XYLT1: variants seen among roughly 807,000 people sequenced by gnomAD.
The protein encoded by XYLT1 is beta-D-xylosyltransferase 1.
In XYLT1, 36 loss-of-function variants were observed where a neutral mutation model predicts 91.3. The ratio of observed to expected loss-of-function variants is 0.39; its 90% CI spans 0.30 to 0.52. The LOEUF (loss-of-function observed/expected upper bound fraction) is 0.52. Among genes scored for constraint, XYLT1 ranks in the 20% least tolerant of loss-of-function variants. The probability of loss-of-function intolerance (pLI) is 0.68; values close to 1 mark genes in which losing one functional copy is unlikely to be tolerated. For synonymous variants in XYLT1, 588 were observed against 532.0 expected, an observed-to-expected ratio of 1.11 and a Z score of -1.45; for missense variants, 1,242 against 1,284.5, an observed-to-expected ratio of 0.97 and a Z score of 0.51.
At chr16:17,379,352 C>G (rs2035641982) in intron 1 of XYLT1, among the ~76,000 whole-genome samples, 1 of 152,252 alleles carries the variant, frequency 6.6e-6, no homozygotes, top group Non-Finnish European at 1.5e-5. Context: ...CTAACTTAAT[C>G]TCCAACATCT....
chr16:17,401,474 T>C (rs1474506918), intron 1 of XYLT1, among the ~76,000 whole-genome samples: 1 of 152,208 alleles, frequency 6.6e-6, no homozygotes, highest in African/African-American at 2.4e-5. Flanking sequence ...GATGTAACTA[T>C]GTGTAGTGTT....
At chr16:17,191,271 C>A (rs112013854) in intron 5 of XYLT1, among the ~76,000 whole-genome samples, 2 of 152,278 alleles carry the variant, frequency 1.3e-5, no homozygotes, top group East Asian at 3.9e-4. Flanking sequence ...GGTTGCTGTG[C>A]GGTCTTAACT....
At chr16:17,191,539 A>T (rs546539733) in intron 5 of XYLT1, among the ~76,000 whole-genome samples, 1 of 152,232 alleles carries the variant, frequency 6.6e-6, no homozygotes, top group Non-Finnish European at 1.5e-5. Context: ...GATGGGATTA[A>T]GAAGAAATAT....
intron 6 of XYLT1, among the ~76,000 whole-genome samples, chr16:17,146,452 G>C (rs2031134951): frequency 6.6e-6 from 1 of 152,128 alleles, no homozygotes; most frequent in Non-Finnish European, 1.5e-5. Context: ...AAAATACAAA[G>C]TTGGTCTAGA....
chr16:17,207,917 C>T (rs982843199), intron 3 of XYLT1, among the ~76,000 whole-genome samples: 1 of 152,094 alleles, frequency 6.6e-6, no homozygotes, highest in Non-Finnish European at 1.5e-5. Context: ...GAGAAATGAC[C>T]CTTCCTTGGG....
intron 9 of XYLT1, 102 bp from the exon 10 acceptor site, chr16:17,127,963 G>T: frequency 7.6e-6 from 8 of 1,056,574 alleles, no homozygotes; most frequent in Non-Finnish European, 1.1e-5. Context: ...AGTCCCCATT[G>T]TGCACAATGC....
intron 10 of XYLT1, among the ~76,000 whole-genome samples, chr16:17,123,974 A>G (rs2030167636): frequency 6.6e-6 from 1 of 152,064 alleles, no homozygotes; most frequent in Non-Finnish European, 1.5e-5. Context: ...TTTGGTGTCC[A>G]TTTGCATGGA....
chr16:17,284,882 G>C (rs2034111548), intron 2 of XYLT1, among the ~76,000 whole-genome samples: 1 of 152,244 alleles, frequency 6.6e-6, no homozygotes, highest in South Asian at 2.1e-4. Flanking sequence ...ATGGAGAATA[G>C]ACTCATACAG....
intron 1 of XYLT1, among the ~76,000 whole-genome samples, chr16:17,389,101 A>T (rs12443980): frequency 0.05 from 7,622 of 152,320 alleles, 231 homozygotes; most frequent in Middle Eastern, 0.088. Context: ...CTGCAACACA[A>T]ACAGGTGAGT....
chr16:17,202,522 C>G (rs945989574), intron 3 of XYLT1, among the ~76,000 whole-genome samples: 1 of 152,162 alleles, frequency 6.6e-6, no homozygotes, highest in Non-Finnish European at 1.5e-5. Context: ...AAGCTCATTT[C>G]TGCCTTAGGA....
At chr16:17,127,620 G>A (rs962192433) in intron 10 of XYLT1, 46 bp downstream of exon 10, 1 of 1,581,482 alleles carries the variant, frequency 6.3e-7, no homozygotes, top group African/African-American at 1.4e-5. Flanking sequence ...ATCTGGCCGA[G>A]GGAAATGCAA....
At position 17,209,351 on chromosome 16, in the gene XYLT1, G is replaced by A. The variant is rs149595773; in HGVS notation, c.914-8697C>T. On this transcript the variant is annotated intron_variant, in intron 3 of 11. Transcript: ENST00000261381. ...GTCAGAATTTCATTCCTTTTTCAGG[G>A]CAAGTAATACTCCACTGTATGCATA... Among the ~76,000 whole-genome samples, 474 of 152,272 alleles carry A rather than the reference G, an allele frequency of 3.1e-3. 1 individual carries two copies. Among genetic ancestry groups the A allele is most frequent in the Non-Finnish European group, 5.2e-3 (356 of 68,016 alleles).
chr16:17,131,198 TTACATCTACAGTCCC>T (rs1334035613), intron 9 of XYLT1, among the ~76,000 whole-genome samples: 2 of 144,658 alleles, frequency 1.4e-5, no homozygotes. Context: ...GAACCTCAAG[TTACATCTACAGTCCC>T]TGTAACCAAG....
Position 17,158,929 on chromosome 16 carries a change from G to C in XYLT1, c.1290-20C>G, listed in dbSNP as rs2031483015. ...TTTGTCCTGTGGAAACAAACCAAGG[G>C]GAGAGTCAGGCCAGACACCGTGGGT... On this transcript the variant is annotated intron_variant, in intron 5 of 11. Coordinates refer to ENST00000261381, the MANE Select transcript of XYLT1 (RefSeq NM_022166.4). 6.2e-7 allele frequency: 1 copy of C among 1,610,722 alleles called. No individual in the cohort carries two copies. The highest frequency in any genetic ancestry group is 1.1e-5 in the South Asian group (1 of 91,008).
intron 2 of XYLT1, among the ~76,000 whole-genome samples, chr16:17,297,202 G>C (rs1039291011): frequency 2.6e-5 from 4 of 152,166 alleles, no homozygotes; most frequent in African/African-American, 9.7e-5. Context: ...CCAAATCCAT[G>C]TTTTATTAGT....
rs1047789893 is a variant in XYLT1, at chr16:17,112,959, C to T, written c.2558-3942G>A. 8.5e-5 allele frequency among the ~76,000 whole-genome samples: 13 copies of T among 152,088 alleles called. 1 individual carries two copies. Among genetic ancestry groups the T allele is most frequent in the Admixed American group, 6.5e-4 (10 of 15,274 alleles). ...GGTTCAAGCAATTCTCCTGCCTCAG[C>T]CTCCCGAGTAGCTGGGATCACAGGC... On this transcript the variant is annotated intron_variant, in intron 11 of 11. Transcript: ENST00000261381.
At chr16:17,403,854 G>A (rs548268373) in intron 1 of XYLT1, among the ~76,000 whole-genome samples, 5 of 152,298 alleles carry the variant, frequency 3.3e-5, no homozygotes, top group African/African-American at 1.2e-4. Flanking sequence ...TCTCCATTGA[G>A]AGCCGTCCTC....
intron 1 of XYLT1, among the ~76,000 whole-genome samples, chr16:17,428,262 G>A (rs946483523): frequency 2.0e-5 from 3 of 152,230 alleles, no homozygotes; most frequent in African/African-American, 4.8e-5. Context: ...GGGATTAAAG[G>A]CATGAGCCAC....
At chr16:17,461,493 A>G (rs2036821509) in intron 1 of XYLT1, among the ~76,000 whole-genome samples, 1 of 152,182 alleles carries the variant, frequency 6.6e-6, no homozygotes, top group Non-Finnish European at 1.5e-5. Flanking sequence ...AGGGACTGGT[A>G]CCTTCTAACT....
Sources: gnomAD v4.1 joint callset for allele counts (sites outside exome capture counted in the v4.1 genomes callset) on GRCh38, gnomAD v4.1.1 for gene constraint, MANE v1.5 for transcripts, NCBI Gene and HGNC (gene_info 2026-07-23, HGNC 2026-07-21) for gene names.